Variants in DNAJB11 observed in about 807,000 individuals in gnomAD.
DNAJB11 encodes the protein DnaJ heat shock protein family (Hsp40) member B11, also known as dnaJ homolog subfamily B member 11.
DNAJB11 carries 30 observed loss-of-function variants against 47.2 expected under a neutral mutation model. The ratio of observed to expected loss-of-function variants is 0.64; its 90% CI spans 0.48 to 0.86. The LOEUF is 0.86. DNAJB11 is among the 40% of genes least tolerant of loss of function. The probability of loss-of-function intolerance (pLI) is 0.00; values close to 1 mark genes in which losing one functional copy is unlikely to be tolerated. For missense variants in DNAJB11, 357 were observed against 440.2 expected (o/e 0.81, Z 1.69); for synonymous variants, 151 against 159.9 (o/e 0.94, Z 0.42).
chr3:186,584,016 C>A, intron 8 of DNAJB11, 40 bp downstream of exon 8: 1 of 1,421,974 alleles, frequency 7.0e-7, no homozygotes. Flanking sequence ...CCTTTTGAAG[C>A]CTTTATGTGG....
At position 186,570,978 on chromosome 3, in the gene DNAJB11, C is replaced by G. The variant is rs1339604128; in HGVS notation, c.68+13C>G. 1.9e-6 allele frequency: 3 copies of G among 1,570,702 alleles called. No homozygotes were observed. Among genetic ancestry groups the G allele is most frequent in the Non-Finnish European group, 2.6e-6 (3 of 1,158,296 alleles). ...CGGTGATTGCCGGGTGAGGAACAGA[C>G]ACTCGCAGACAACGGGGCCTGTGGG... On this transcript the variant is annotated intron_variant, in intron 1 of 9. Coordinates refer to ENST00000265028, the MANE Select transcript of DNAJB11 (RefSeq NM_016306.6).
At chr3:186,581,870 C>G (rs1715497298) in intron 5 of DNAJB11, 125 bp from the exon 6 acceptor site, 1 of 756,586 alleles carries the variant, frequency 1.3e-6, no homozygotes, top group African/African-American at 1.8e-5. Flanking sequence ...ATAGTTTTGT[C>G]AAGTAGAGGC....
chr3:186,571,399 T>A (rs1715048629), intron 1 of DNAJB11, among the ~76,000 whole-genome samples: 1 of 152,096 alleles, frequency 6.6e-6, no homozygotes, highest in Non-Finnish European at 1.5e-5. Flanking sequence ...GGTGAGTTGC[T>A]GTGCCCCGCT....
chr3:186,575,716 T>G (rs1169940916), intron 2 of DNAJB11, 124 bp from the exon 3 acceptor site: 12 of 681,700 alleles, frequency 1.8e-5, no homozygotes, highest in Non-Finnish European at 2.8e-5. Flanking sequence ...CAGTACATAA[T>G]GGAAACTGCA....
chr3:186,570,943 C>T lies in DNAJB11; in HGVS notation c.46C>T (p.Leu16Phe), dbSNP rs1244847769. The T allele has an allele frequency of 1.3e-6, 2 of 1,598,676 alleles. No individual in the cohort carries two copies. The highest frequency in any genetic ancestry group is 1.3e-5 in the African/African-American group (1 of 74,240). Residue 16 changes from leucine (L) to phenylalanine (F), a missense_variant, in exon 1 of 10, where the codon CTC becomes TTC. By Grantham distance (22) the Leu-to-Phe change is conservative. Transcript: ENST00000265028. Reference sequence around the variant, plus strand: ...CACCTTTTGCCTGTTGCTGCTATACCTCATCGGGGCGGTGATTGCCGGGTG... The same window carrying T: ...CACCTTTTGCCTGTTGCTGCTATACTTCATCGGGGCGGTGATTGCCGGGTG... ...LSTFCLLLLY[L>F]IGAVIAGRDF...
chr3:186,572,298 G>GA, intron 2 of DNAJB11, 47 bp downstream of exon 2: 2 of 1,532,846 alleles, frequency 1.3e-6, no homozygotes, highest in African/African-American at 2.8e-5. Context: ...TGTAGCTCTA[G>GA]AAAAAACATA....
At position 186,574,104 on chromosome 3, in the gene DNAJB11, A is replaced by G. The variant is rs182917674; in HGVS notation, c.226-1736A>G. On this transcript the variant is annotated intron_variant, in intron 2 of 9. Coordinates refer to ENST00000265028, the MANE Select transcript of DNAJB11 (RefSeq NM_016306.6). Reference sequence around the variant, plus strand: ...GTTATGAAGAATCTTTTGTGAATACAAATTTGTTTTCTCTACAGAGCTAGG... The same window carrying G: ...GTTATGAAGAATCTTTTGTGAATACGAATTTGTTTTCTCTACAGAGCTAGG... 2.6e-4 allele frequency among the ~76,000 whole-genome samples: 40 copies of G among 152,384 alleles called. No individual in the cohort carries two copies. The East Asian group carries it at 7.3e-3, about 28-fold the overall frequency.
intron 9 of DNAJB11, 36 bp downstream of exon 9, chr3:186,584,625 G>GTGTGTGTGTT (rs752766528): frequency 1.3e-6 from 2 of 1,501,470 alleles, no homozygotes; most frequent in Non-Finnish European, 8.9e-7. Flanking sequence ...GTGTGTGTTT[G>GTGTGTGTGTT]TGTGTGTGTA....
At position 186,570,832 on chromosome 3, in the gene DNAJB11, C is replaced by G; in HGVS notation, c.-66C>G. Reference sequence around the variant, plus strand: ...GGCCTCACAGGGCCGGGTGGGCTGGCGAGCCGACGCGGCGGCGGAGGAGGC... The same window carrying G: ...GGCCTCACAGGGCCGGGTGGGCTGGGGAGCCGACGCGGCGGCGGAGGAGGC... On this transcript the variant is annotated 5_prime_UTR_variant, in exon 1 of 10. Coordinates refer to ENST00000265028, the MANE Select transcript of DNAJB11 (RefSeq NM_016306.6). The G allele has an allele frequency of 6.6e-7, 1 of 1,507,748 alleles. No homozygotes were observed. Among genetic ancestry groups the G allele is most frequent in the Admixed American group, 2.0e-5 (1 of 50,340 alleles). 93.4% of individuals were successfully genotyped at this position (1,507,748 alleles called of 1,614,324 possible).
chr3:186,579,312 G>T (rs1221497910), intron 4 of DNAJB11: 1 of 151,930 alleles, frequency 6.6e-6, no homozygotes, highest in Non-Finnish European at 1.5e-5. Context: ...CTTCTGGGAG[G>T]TACCTCATTT....
chr3:186,576,949 A>G (rs949355749), intron 3 of DNAJB11, among the ~76,000 whole-genome samples: 1 of 152,222 alleles, frequency 6.6e-6, no homozygotes, highest in Non-Finnish European at 1.5e-5. Context: ...ATGCTAATAT[A>G]CAAGGCTTCT....
chr3:186,585,262 C>A, intron 9 of DNAJB11, 82 bp from the exon 10 acceptor site: 1 of 1,176,706 alleles, frequency 8.5e-7, no homozygotes, highest in East Asian at 2.4e-5. Context: ...CTTTTATGAG[C>A]TTTTTCTTGA....
In DNAJB11 at chr3:186,585,396, G is replaced by T. The variant is rs1370895877; in HGVS notation, c.1065G>T (p.Leu355=). The change falls in exon 10 of 10, where the codon CTG becomes CTT. Residue 355 remains leucine, a synonymous_variant. Coordinates refer to ENST00000265028, the MANE Select transcript of DNAJB11 (RefSeq NM_016306.6). ...QGSVQKVYNG[L]QGY The stretch of plus-strand genomic sequence containing the variant: ...CAGTGCAGAAGGTATACAATGGACT[G>T]CAAGGATATTGAGAGTGAATAAAAT... The T allele has an allele frequency of 1.2e-6, 2 of 1,608,988 alleles. No individual in the cohort carries two copies. Among genetic ancestry groups the T allele is most frequent in the Non-Finnish European group, 1.7e-6 (2 of 1,177,506 alleles).
At chr3:186,573,084 A>G (rs929173827) in intron 2 of DNAJB11, among the ~76,000 whole-genome samples, 4 of 152,218 alleles carry the variant, frequency 2.6e-5, no homozygotes, top group Non-Finnish European at 5.9e-5. Context: ...ACCAGGAAAT[A>G]TATTAGAGCT....
At chr3:186,572,025 A>G (rs934962950) in intron 1 of DNAJB11, 70 bp from the exon 2 acceptor site, 2 of 1,372,358 alleles carry the variant, frequency 1.5e-6, no homozygotes, top group Non-Finnish European at 2.0e-6. Flanking sequence ...TAGAGGAAAA[A>G]TAAATCTTTT....
At chr3:186,583,676 T>C (rs1429619508) in intron 7 of DNAJB11, among the ~76,000 whole-genome samples, 189 bp from the exon 8 acceptor site, 1 of 152,252 alleles carries the variant, frequency 6.6e-6, no homozygotes, top group Non-Finnish European at 1.5e-5. Flanking sequence ...GCTGATTGTG[T>C]GTTCCTTAAC....
intron 2 of DNAJB11, among the ~76,000 whole-genome samples, chr3:186,572,760 T>C (rs1198973163): frequency 6.6e-6 from 1 of 152,150 alleles, no homozygotes; most frequent in Non-Finnish European, 1.5e-5. Flanking sequence ...TGGGAAGCAA[T>C]AAGGATTGTT....
At position 186,582,051 on chromosome 3, in the gene DNAJB11, G is replaced by T. The variant is rs370808915; in HGVS notation, c.656G>T (p.Gly219Val). 2 of 1,613,486 alleles carry T rather than the reference G, an allele frequency of 1.2e-6. No individual in the cohort carries two copies. The highest frequency in any genetic ancestry group is 8.5e-7 in the Non-Finnish European group (1 of 1,179,618). The part of the protein sequence containing the change: ...EVEIEPGVRD[G>V]MEYPFIGEGE... The stretch of plus-strand genomic sequence containing the variant: ...GAAATAGAGCCTGGGGTGAGAGACG[G>T]CATGGAGTACCCCTTTATTGGAGAA... The change falls in exon 6 of 10, where the codon GGC (glycine) becomes GTC (valine). Residue 219 changes from glycine to valine, a missense_variant. Gly to Val is a moderately radical substitution (Grantham distance 109). Coordinates refer to ENST00000265028, the MANE Select transcript of DNAJB11 (RefSeq NM_016306.6).
chr3:186,572,127 G>C lies in DNAJB11; in HGVS notation c.101G>C (p.Arg34Pro). Residue 34 changes from arginine (R) to proline (P), a missense_variant, in exon 2 of 10, where the codon CGA becomes CCA. Coordinates refer to ENST00000265028, the MANE Select transcript of DNAJB11 (RefSeq NM_016306.6). ...RDFYKILGVP[R>P]SASIKDIKKA... is the part of the protein sequence containing the mutation. ...TTCTATAAGATCTTGGGGGTGCCTC[G>C]AAGTGCCTCTATAAAGGATATTAAA... The C allele has an allele frequency of 6.2e-7, 1 of 1,601,112 alleles. No homozygotes were observed. The highest frequency in any genetic ancestry group is 8.5e-7 in the Non-Finnish European group (1 of 1,175,520).
Sources: allele counts gnomAD v4.1 joint callset (sites outside exome capture counted in the v4.1 genomes callset), GRCh38; gene constraint gnomAD v4.1.1; transcripts MANE v1.5; gene names NCBI Gene and HGNC (gene_info 2026-07-23, HGNC 2026-07-21).